The following PARD3B variants were observed in gnomAD, a reference collection of about 807,000 sequenced individuals.
PARD3B encodes the protein par-3 family cell polarity regulator beta.
A neutral mutation model predicts 130.2 loss-of-function variants in PARD3B; 103 were observed. The observed-to-expected ratio is 0.79, with a 90% CI of 0.67 to 0.93. The LOEUF (loss-of-function observed/expected upper bound fraction) is 0.93, where lower values mean the gene tolerates loss of function less well. PARD3B is among the 40% of genes least tolerant of loss of function. PARD3B has a pLI of 0.00. For synonymous variants in PARD3B, 583 were observed against 553.2 expected, an observed-to-expected ratio of 1.05 and a Z score of -0.76; for missense variants, 1,609 against 1,499.2, an observed-to-expected ratio of 1.07 and a Z score of -1.21.
intron 22 of PARD3B, among the ~76,000 whole-genome samples, chr2:205,612,285 T>G (rs2055260137): frequency 6.6e-6 from 1 of 152,050 alleles, no homozygotes; most frequent in Non-Finnish European, 1.5e-5. Context: ...CCCGAGTAGC[T>G]GGGATTATAG....
At position 205,121,557 on chromosome 2, in the gene PARD3B, A is replaced by G; in HGVS notation, c.807-34A>G. 6.3e-7 allele frequency: 1 copy of G among 1,580,448 alleles called. No homozygotes were observed. Among genetic ancestry groups the G allele is most frequent in the South Asian group, 1.1e-5 (1 of 88,182 alleles). ...TTTAGAAGATGCTGCACCTCAAAGC[A>G]GGGTCATCATACATTTATCAACTTT... is the stretch of plus-strand genomic sequence containing the variant. On this transcript the variant is annotated intron_variant, in intron 7 of 22. Coordinates refer to ENST00000406610, the MANE Select transcript of PARD3B (RefSeq NM_001302769.2). This position sits in a 1 kb window ranked among gnomAD's most constrained non-coding sequence, Gnocchi z 5.0.
chr2:205,611,382 C>A (rs2055224200), intron 22 of PARD3B, among the ~76,000 whole-genome samples: 1 of 152,190 alleles, frequency 6.6e-6, no homozygotes. Context: ...CCAGAGCTGG[C>A]TATCTGACCA....
At chr2:204,926,094 C>G (rs987622782) in intron 2 of PARD3B, among the ~76,000 whole-genome samples, 3 of 151,954 alleles carry the variant, frequency 2.0e-5, no homozygotes, top group African/African-American at 7.2e-5. Flanking sequence ...ACTAACACAC[C>G]TACATTTTAC....
chr2:204,930,945 ATC>A (rs1253764651), intron 2 of PARD3B, among the ~76,000 whole-genome samples: 3 of 152,136 alleles, frequency 2.0e-5, no homozygotes, highest in Non-Finnish European at 4.4e-5. Flanking sequence ...AAATTATAAG[ATC>A]TCTCAGGGCA....
intron 13 of PARD3B, among the ~76,000 whole-genome samples, chr2:205,178,064 G>A (rs1231874503): frequency 7.0e-6 from 1 of 142,568 alleles, no homozygotes; most frequent in Non-Finnish European, 1.5e-5. Context: ...CCAGCACTTT[G>A]GGAGGCCGAG....
At chr2:205,248,659 T>TGCAGTG (rs2039685878) in intron 16 of PARD3B, among the ~76,000 whole-genome samples, 1 of 137,420 alleles carries the variant, frequency 7.3e-6, no homozygotes, top group Non-Finnish European at 1.5e-5. Flanking sequence ...CAGGCTGGAG[T>TGCAGTG]GCAGTGGCGC....
At chr2:205,060,774 T>C (rs1248870614) in intron 4 of PARD3B, among the ~76,000 whole-genome samples, 3 of 152,192 alleles carry the variant, frequency 2.0e-5, no homozygotes, top group Non-Finnish European at 4.4e-5. Flanking sequence ...TTAATATGCA[T>C]ACATATAAAA....
intron 20 of PARD3B, among the ~76,000 whole-genome samples, chr2:205,466,268 A>G (rs2048620165): frequency 6.6e-6 from 1 of 152,234 alleles, no homozygotes; most frequent in Non-Finnish European, 1.5e-5. Flanking sequence ...TAACCTTCCA[A>G]AATTTCAGCT....
chr2:204,551,320 A>G (rs1245832649), intron 1 of PARD3B, among the ~76,000 whole-genome samples: 1 of 152,242 alleles, frequency 6.6e-6, no homozygotes, highest in Non-Finnish European at 1.5e-5. Flanking sequence ...ACTTTCCCAC[A>G]TAGCAACCAT....
chr2:205,417,812 AC>A (rs1236568026), intron 19 of PARD3B, among the ~76,000 whole-genome samples: 1 of 152,152 alleles, frequency 6.6e-6, no homozygotes, highest in African/African-American at 2.4e-5. Flanking sequence ...AGTTGTAGGC[AC>A]CCTGCAGATG....
Position 205,286,843 on chromosome 2 carries a change from G to A in PARD3B, c.2186-13687G>A, listed in dbSNP as rs559956243. Among the ~76,000 whole-genome samples, 159 of 152,144 alleles carry A rather than the reference G, an allele frequency of 1.0e-3. 1 individual carries two copies. The highest frequency in any genetic ancestry group is 3.4e-3 in the Middle Eastern group (1 of 294). On this transcript the variant is annotated intron_variant, in intron 16 of 22. Transcript: ENST00000406610. ...TGTAGATAGGTTGTTTGAACCCCTG[G>A]TCAACCATAGCAAGAATTGATTTTA...
At chr2:205,216,966 C>T (rs943203686) in intron 15 of PARD3B, among the ~76,000 whole-genome samples, 9 of 152,014 alleles carry the variant, frequency 5.9e-5, no homozygotes, top group Non-Finnish European at 7.4e-5. Context: ...CCATATTTGT[C>T]ACTGTGGAGT....
intron 3 of PARD3B, among the ~76,000 whole-genome samples, chr2:205,044,197 G>A (rs1387726739): frequency 6.6e-6 from 1 of 151,192 alleles, no homozygotes; most frequent in Non-Finnish European, 1.5e-5. Context: ...TCTTAATCCA[G>A]TCTATCATTG....
At chr2:205,251,133 G>A (rs2039829900) in intron 16 of PARD3B, among the ~76,000 whole-genome samples, 1 of 152,118 alleles carries the variant, frequency 6.6e-6, no homozygotes, top group Admixed American at 6.5e-5. Flanking sequence ...CTTGCGTTGT[G>A]TAACCTCAGC....
rs73985911 is a variant in PARD3B at position 205,078,241 on chromosome 2, A to G, written c.505-26185A>G. Among the ~76,000 whole-genome samples the G allele has an allele frequency of 0.013, 2,036 of 152,328 alleles. 32 individuals are homozygous for G. The highest frequency in any genetic ancestry group is 0.045 in the African/African-American group (1,866 of 41,570). ...TTTAGTTAGCAAGTTAAGGCATTCAAAACTCTGAATGGGTATTTATAATTT... is the reference window on the plus strand; with the variant it reads ...TTTAGTTAGCAAGTTAAGGCATTCAGAACTCTGAATGGGTATTTATAATTT... On this transcript the variant is annotated intron_variant, in intron 4 of 22. Coordinates refer to ENST00000406610, the MANE Select transcript of PARD3B (RefSeq NM_001302769.2). The surrounding 1 kb of genome is among the most constrained non-coding windows in gnomAD (Gnocchi z 4.0).
intron 21 of PARD3B, among the ~76,000 whole-genome samples, chr2:205,526,828 G>C (rs1489662884): frequency 1.3e-5 from 2 of 152,194 alleles, no homozygotes; most frequent in Non-Finnish European, 2.9e-5. Flanking sequence ...TTATTTTGCT[G>C]TTTAGAAATG....
chr2:205,534,096 G>A (rs989325835), intron 21 of PARD3B, among the ~76,000 whole-genome samples: 7 of 149,796 alleles, frequency 4.7e-5, no homozygotes, highest in Non-Finnish European at 8.9e-5. Flanking sequence ...TGCATGTTTA[G>A]GAAAGTGGTT....
chr2:205,083,274 A>G (rs1701540526), intron 4 of PARD3B, among the ~76,000 whole-genome samples: 1 of 151,844 alleles, frequency 6.6e-6, no homozygotes, highest in Non-Finnish European at 1.5e-5. Context: ...ATATAGTAAT[A>G]TTCTTCCAGA....
At chr2:205,134,228 A>G (rs2032271645) in intron 10 of PARD3B, among the ~76,000 whole-genome samples, 2 of 152,106 alleles carry the variant, frequency 1.3e-5, no homozygotes. Flanking sequence ...TACATCGTCA[A>G]AATCAGAAAT....
Sources: allele counts gnomAD v4.1 joint callset (sites outside exome capture counted in the v4.1 genomes callset), GRCh38; gene constraint gnomAD v4.1.1; non-coding constraint Gnocchi (gnomAD v3.1); transcripts MANE v1.5; gene names NCBI Gene and HGNC (gene_info 2026-07-23, HGNC 2026-07-21).